The following HUWE1 variants were observed in gnomAD, a reference collection of about 807,000 sequenced individuals.
The protein encoded by HUWE1 is HECT, UBA and WWE domain containing E3 ubiquitin protein ligase 1, also known as E3 ubiquitin-protein ligase HUWE1.
Under a neutral mutation model 299.4 loss-of-function variants are expected in HUWE1, and 18 were observed. That is an observed-to-expected ratio of 0.06 (90% CI 0.04 to 0.09). The LOEUF (loss-of-function observed/expected upper bound fraction) is 0.09. Ranked by LOEUF, HUWE1 falls within the 10% of genes least tolerant of loss-of-function variation. HUWE1 has a pLI of 1.00. For missense variants in HUWE1, 1,832 were observed against 3,462.3 expected, an observed-to-expected ratio of 0.53 and a Z score of 11.82; for synonymous variants, 1,317 against 1,286.1, an observed-to-expected ratio of 1.02 and a Z score of -0.51.
chrX:53,620,595 T>C (rs1265215442), intron 19 of HUWE1, among the ~76,000 whole-genome samples: 1 of 111,826 alleles, frequency 8.9e-6, no homozygotes, highest in Non-Finnish European at 1.9e-5. Context: ...GCATAATGGC[T>C]TGTTCAATGC....
chrX:53,585,058 G>C lies in HUWE1; in HGVS notation c.4955C>G (p.Thr1652Ser). Residue 1652 changes from threonine to serine, a missense_variant, in exon 40 of 84, where the codon ACT (threonine) becomes AGT (serine). By Grantham distance (58) the Thr-to-Ser change is moderately conservative. Coordinates refer to ENST00000262854, the MANE Select transcript of HUWE1 (RefSeq NM_031407.7). ...WKSGETSVRF[T>S]AGRRRYTVQF... ...GACCGTGTATCTTCTTCGGCCTGCA[G>C]TGAATCGCACGCTTGTCTCTCCAGA... 1 of 1,212,012 alleles carries C rather than the reference G, an allele frequency of 8.3e-7. No individual in the cohort carries two copies. The highest frequency in any genetic ancestry group is 1.1e-6 in the Non-Finnish European group (1 of 895,599).
At chrX:53,597,025 T>C (rs782607438) in intron 29 of HUWE1, among the ~76,000 whole-genome samples, 6 of 112,109 alleles carry the variant, frequency 5.4e-5, no homozygotes, top group African/African-American at 9.7e-5. Context: ...GGGTACAGGA[T>C]TGCCATAATA....
At chrX:53,649,814 A>AG (rs1234623244) in intron 4 of HUWE1, among the ~76,000 whole-genome samples, 1 of 112,351 alleles carries the variant, frequency 8.9e-6, no homozygotes, top group African/African-American at 3.2e-5. Flanking sequence ...TACGATGTGT[A>AG]GGTAAGATGC....
In HUWE1 at chrX:53,645,326, T is replaced by C. The variant is rs1557034692; in HGVS notation, c.489A>G (p.Leu163=). The C allele has an allele frequency of 1.1e-5, 13 of 1,208,990 alleles. No homozygotes were observed. The East Asian group carries it at 3.0e-4, about 28-fold the overall frequency. The part of the protein sequence containing the change: ...SDKRTPLLTR[L]QHLAESWGGK... ...CAAGACTCACCTCTGCCAAATGTTG[T>C]AGCCGAGTTAGCAGCGGGGTCCTCT... is the stretch of plus-strand genomic sequence containing the variant. Residue 163 remains leucine (L), a synonymous_variant, in exon 7 of 84, where the codon CTA becomes CTG. Transcript: ENST00000262854.
chrX:53,681,388 C>A (rs1021687789), intron 2 of HUWE1, among the ~76,000 whole-genome samples: 1 of 104,522 alleles, frequency 9.6e-6, no homozygotes, highest in South Asian at 4.4e-4. Context: ...GAGCCGAGAT[C>A]GCGCCACTGC....
chrX:53,548,701 G>C (rs782274685), intron 67 of HUWE1, among the ~76,000 whole-genome samples: 85 of 112,439 alleles, frequency 7.6e-4, no homozygotes, highest in African/African-American at 2.7e-3. Context: ...AAAATGTTCT[G>C]AATCTCAGGT....
intron 12 of HUWE1, 136 bp downstream of exon 12, chrX:53,630,799 G>A (rs1456838594): frequency 4.1e-5 from 20 of 483,863 alleles, no homozygotes; most frequent in Middle Eastern, 5.6e-4. Context: ...AGTGAACACT[G>A]GGAGGGGTGG....
intron 3 of HUWE1, among the ~76,000 whole-genome samples, chrX:53,673,083 C>A (rs2069639556): frequency 8.9e-6 from 1 of 112,089 alleles, no homozygotes; most frequent in African/African-American, 3.2e-5. Flanking sequence ...TTACTAAAAT[C>A]AGAATGCTTC....
intron 4 of HUWE1, among the ~76,000 whole-genome samples, chrX:53,653,821 G>A (rs1557041561): frequency 8.9e-6 from 1 of 112,038 alleles, no homozygotes; most frequent in Non-Finnish European, 1.9e-5. Context: ...GCTGACTTCA[G>A]GCACACACAG....
rs782367962 is a variant in HUWE1, at chrX:53,551,352, A to G, written c.9010T>C (p.Ser3004Pro). 22 of 1,207,570 alleles carry G rather than the reference A, an allele frequency of 1.8e-5. No homozygotes were observed. The Admixed American group carries it at 3.3e-4, about 18-fold the overall frequency. ...GGATTCCCCACCACTGCAGGCGCTG[A>G]GCTATTTGTGGAGGGGGCAGTCCGG... ...PTRTAPSTNS[S>P]APAVVGNPGV... Residue 3004 changes from serine to proline, a missense_variant, in exon 64 of 84, where the codon TCA (serine) becomes CCA (proline). By Grantham distance (74) the Ser-to-Pro change is moderately conservative. Around this residue, in one of 15 missense-constraint regions of HUWE1, gnomAD observed 91 missense variants for 281.2 expected, o/e 0.32. Transcript: ENST00000262854.
intron 32 of HUWE1, among the ~76,000 whole-genome samples, chrX:53,593,051 C>CA (rs1186647559): frequency 8.9e-6 from 1 of 112,357 alleles, no homozygotes; most frequent in East Asian, 2.8e-4. Context: ...CAGATGCTAG[C>CA]ACCATGCTTC....
chrX:53,681,428 C>A (rs1344332789), intron 2 of HUWE1, among the ~76,000 whole-genome samples: 1 of 95,821 alleles, frequency 1.0e-5, no homozygotes, highest in Non-Finnish European at 2.0e-5. Context: ...AAGACTCCAT[C>A]TTAAAAAAAA....
chrX:53,603,977 C>T (rs1412383233), intron 26 of HUWE1, among the ~76,000 whole-genome samples: 4 of 111,570 alleles, frequency 3.6e-5, no homozygotes, highest in African/African-American at 9.8e-5. Context: ...TTTCTAAATC[C>T]TTTATACTTG....
chrX:53,600,322 A>C lies in HUWE1; in HGVS notation c.2972-13T>G. On this transcript the variant is annotated splice_polypyrimidine_tract_variant and intron_variant, in intron 28 of 83. Transcript: ENST00000262854. ...TCCTGTTCCCCATCTACAGATGTAT[A>C]AGAGGGGAGCAATAGGACAATGTAG... 8.6e-7 allele frequency: 1 copy of C among 1,159,832 alleles called. No homozygotes were observed. Among genetic ancestry groups the C allele is most frequent in the East Asian group, 3.0e-5 (1 of 33,048 alleles).
chrX:53,640,330 A>T (rs1220818800), intron 7 of HUWE1, among the ~76,000 whole-genome samples: 1 of 112,089 alleles, frequency 8.9e-6, no homozygotes, highest in Non-Finnish European at 1.9e-5. Context: ...ACTGCACTCC[A>T]GCCTGGGTAA....
At chrX:53,539,898 T>C (rs2061264200) in intron 74 of HUWE1, 86 bp from the exon 75 acceptor site, 1 of 937,831 alleles carries the variant, frequency 1.1e-6, no homozygotes, top group Non-Finnish European at 1.5e-6. Context: ...CCAACTAATA[T>C]ACAGAACAAG....
intron 49 of HUWE1, among the ~76,000 whole-genome samples, chrX:53,566,131 G>GTATA (rs782460583): frequency 7.2e-5 from 4 of 55,463 alleles, no homozygotes; most frequent in Non-Finnish European, 1.3e-4. Context: ...GTGTGTGTGT[G>GTATA]TGTATATATA....
At chrX:53,579,175 C>T in intron 43 of HUWE1, among the ~76,000 whole-genome samples, 1 of 31,475 alleles carries the variant, frequency 3.2e-5, no homozygotes, top group Non-Finnish European at 5.8e-5. Context: ...GCCCGGCCAG[C>T]CGCCCCGTCC....
chrX:53,588,716 A>G, intron 36 of HUWE1, among the ~76,000 whole-genome samples, 182 bp from the exon 37 acceptor site: 1 of 112,374 alleles, frequency 8.9e-6, no homozygotes, highest in South Asian at 3.7e-4. Flanking sequence ...ATGCTACTAA[A>G]GGATCACCAC....
Sources: allele counts gnomAD v4.1 joint callset (sites outside exome capture counted in the v4.1 genomes callset), GRCh38; gene constraint gnomAD v4.1.1; regional missense constraint gnomAD v4.1.1; transcripts MANE v1.5; gene names NCBI Gene and HGNC (gene_info 2026-07-23, HGNC 2026-07-21).